Variants in ESRRG observed in about 807,000 individuals in gnomAD.
ESRRG encodes estrogen-related receptor gamma.
In ESRRG, 13 loss-of-function variants were observed where a neutral mutation model predicts 44.0. The observed-to-expected ratio is 0.30, with a 90% CI of 0.19 to 0.47. The LOEUF (loss-of-function observed/expected upper bound fraction) is 0.47. ESRRG is among the 20% of genes least tolerant of loss of function. The pLI is 1.00. For missense variants in ESRRG, 395 were observed against 580.6 expected, an observed-to-expected ratio of 0.68 and a Z score of 3.29; for synonymous variants, 215 against 214.6, an observed-to-expected ratio of 1.00 and a Z score of -0.02.
chr1:217,069,561 A>T (rs2090287067), intron 1 of ESRRG, among the ~76,000 whole-genome samples: 1 of 152,090 alleles, frequency 6.6e-6, no homozygotes, highest in Non-Finnish European at 1.5e-5. Flanking sequence ...AGGACTTTTC[A>T]TCTTCCTCTT....
intron 2 of ESRRG, among the ~76,000 whole-genome samples, chr1:216,840,259 C>T (rs6691726): frequency 0.034 from 5,115 of 152,296 alleles, 300 homozygotes; most frequent in African/African-American, 0.11. Context: ...TTTTATGTTA[C>T]AGTGATGGCT....
intron 3 of ESRRG, among the ~76,000 whole-genome samples, chr1:216,598,599 C>T (rs2058760062): frequency 6.6e-6 from 1 of 152,138 alleles, no homozygotes; most frequent in Admixed American, 6.5e-5. Context: ...CAAATCTCAG[C>T]TTTCTTTGTT....
chr1:217,075,992 C>T (rs2091250124), intron 1 of ESRRG, among the ~76,000 whole-genome samples: 1 of 152,098 alleles, frequency 6.6e-6, no homozygotes, highest in South Asian at 2.1e-4. Flanking sequence ...AGTATGACAC[C>T]TGTATATGTA....
chr1:217,091,853 C>G (rs1441813946), upstream of ESRRG, among the ~76,000 whole-genome samples: 1 of 152,210 alleles, frequency 6.6e-6, no homozygotes, highest in Non-Finnish European at 1.5e-5. Context: ...ATCTACCATC[C>G]TGGTTCTCCA....
At chr1:216,773,041 T>G (rs577245779) in intron 2 of ESRRG, among the ~76,000 whole-genome samples, 1 of 152,194 alleles carries the variant, frequency 6.6e-6, no homozygotes, top group African/African-American at 2.4e-5. Context: ...CTTCTAATGG[T>G]CTTAGTCTGC....
At chr1:216,746,111 T>A (rs2091366917) in intron 2 of ESRRG, among the ~76,000 whole-genome samples, 1 of 152,192 alleles carries the variant, frequency 6.6e-6, no homozygotes, top group African/African-American at 2.4e-5. Flanking sequence ...TATCTAACAA[T>A]CTTAATAATG....
chr1:216,862,301 T>G (rs2096066832), intron 2 of ESRRG: 1 of 151,542 alleles, frequency 6.6e-6, no homozygotes, highest in Non-Finnish European at 1.5e-5. Context: ...CTTGGCTCAC[T>G]GCAACCTCCG....
intron 2 of ESRRG, among the ~76,000 whole-genome samples, chr1:216,902,122 G>C (rs923561912): frequency 3.3e-5 from 5 of 152,114 alleles, no homozygotes; most frequent in Admixed American, 1.3e-4. Context: ...TATTTCCTAA[G>C]CTTCTAATTT....
rs74343208 is a variant in ESRRG at position 216,608,412 on chromosome 1, C to T, written c.590-40314G>A. ...ATTTCAATCTTCTTTCTTAGGGGAT[C>T]ATAAAGTAAATTTCCTCTAAGTGAT... On this transcript the variant is annotated intron_variant, in intron 3 of 6. Coordinates refer to ENST00000408911, the MANE Select transcript of ESRRG (RefSeq NM_001438.4). 6.2e-3 allele frequency among the ~76,000 whole-genome samples: 950 copies of T among 152,216 alleles called. 10 individuals are homozygous for T. The highest frequency in any genetic ancestry group is 0.022 in the African/African-American group (914 of 41,548).
chr1:216,662,525 A>G (rs1002361853), intron 2 of ESRRG, among the ~76,000 whole-genome samples: 5 of 152,136 alleles, frequency 3.3e-5, no homozygotes, highest in African/African-American at 9.7e-5. Context: ...TAAAATCTGT[A>G]TACCTGAACT....
At chr1:216,789,982 C>T (rs2094263495) in intron 2 of ESRRG, among the ~76,000 whole-genome samples, 1 of 152,238 alleles carries the variant, frequency 6.6e-6, no homozygotes, top group South Asian at 2.1e-4. Context: ...GAATTATGAG[C>T]AAAAGTGCAA....
At chr1:216,957,666 T>A (rs2068212722) in intron 1 of ESRRG, among the ~76,000 whole-genome samples, 1 of 152,114 alleles carries the variant, frequency 6.6e-6, no homozygotes, top group Admixed American at 6.6e-5. Context: ...AGCATCTCCC[T>A]CCTGGACCAG....
intron 3 of ESRRG, among the ~76,000 whole-genome samples, chr1:216,640,247 G>A (rs1158721551): frequency 1.3e-5 from 2 of 152,134 alleles, no homozygotes; most frequent in Non-Finnish European, 2.9e-5. Context: ...CCCAAGGATG[G>A]ACTCCCCACT....
At chr1:216,772,154 T>C (rs557159822) in intron 2 of ESRRG, among the ~76,000 whole-genome samples, 1 of 152,204 alleles carries the variant, frequency 6.6e-6, no homozygotes, top group Admixed American at 6.5e-5. Context: ...GGAGGCCCCA[T>C]CTAAATGCAT....
At chr1:216,777,180 C>T (rs1378120923) in intron 2 of ESRRG, among the ~76,000 whole-genome samples, 3 of 152,076 alleles carry the variant, frequency 2.0e-5, no homozygotes, top group Non-Finnish European at 4.4e-5. Flanking sequence ...ATGACGCTAA[C>T]ATAAATAAAA....
chr1:216,701,584 G>A (rs2081397272), intron 1 of ESRRG: 1 of 152,220 alleles, frequency 6.6e-6, no homozygotes, highest in African/African-American at 2.4e-5. Flanking sequence ...TGGACCAGCT[G>A]TGACATCCCA....
chr1:216,844,472 T>C (rs11807172), intron 2 of ESRRG, among the ~76,000 whole-genome samples: 5,086 of 152,096 alleles, frequency 0.033, 299 homozygotes, highest in African/African-American at 0.11. Context: ...TACGTGCTCT[T>C]CCTGCTCAGC....
intron 2 of ESRRG, among the ~76,000 whole-genome samples, chr1:216,809,676 C>A (rs1253093888): frequency 3.3e-5 from 5 of 152,118 alleles, no homozygotes; most frequent in Non-Finnish European, 7.4e-5. Context: ...GAAAACAATA[C>A]TCAACGGAAA....
chr1:216,973,826 CAAA>C (rs76576502), intron 1 of ESRRG, among the ~76,000 whole-genome samples: 10 of 116,430 alleles, frequency 8.6e-5, no homozygotes, highest in Admixed American at 1.7e-4. Flanking sequence ...AACTCTGTCT[CAAA>C]AAAAAAAAAA....
Sources: allele counts gnomAD v4.1 joint callset (sites outside exome capture counted in the v4.1 genomes callset), GRCh38; gene constraint gnomAD v4.1.1; transcripts MANE v1.5; gene names NCBI Gene and HGNC (gene_info 2026-07-23, HGNC 2026-07-21).